The following ELN variants were observed in gnomAD, a reference collection of about 807,000 sequenced individuals.
ELN encodes tropoelastin.
Under a neutral mutation model 105.8 loss-of-function variants are expected in ELN, and 65 were observed. That is an observed-to-expected ratio of 0.61 (90% CI 0.50 to 0.75). ELN has a LOEUF of 0.75. Ranked by LOEUF, ELN falls within the 30% of genes least tolerant of loss-of-function variation. ELN has a pLI of 0.00. For missense variants in ELN, 882 were observed against 969.4 expected, an observed-to-expected ratio of 0.91 and a Z score of 1.20; for synonymous variants, 368 against 389.2, an observed-to-expected ratio of 0.95 and a Z score of 0.64.
intron 32 of ELN, among the ~76,000 whole-genome samples, chr7:74,067,689 G>A (rs1272110370): frequency 1.3e-5 from 2 of 151,586 alleles, no homozygotes; most frequent in Admixed American, 6.6e-5. Flanking sequence ...TGTGAACCCG[G>A]GAGGCGGAGC....
Position 74,036,562 on chromosome 7 carries a change from T to A in ELN, c.141T>A (p.Gly47=). 6.2e-7 allele frequency: 1 copy of A among 1,614,104 alleles called. No homozygotes were observed. Among genetic ancestry groups the A allele is most frequent in the Non-Finnish European group, 8.5e-7 (1 of 1,180,030 alleles). The part of the protein sequence containing the change: ...VPGGVFYPGA[G]LGALGGGALG... Reference sequence around the variant, plus strand: ...CTTTCTCTCCCCCCACAGGGGCTGGTCTCGGAGCCCTTGGAGGAGGAGGTG... The same window carrying A: ...CTTTCTCTCCCCCCACAGGGGCTGGACTCGGAGCCCTTGGAGGAGGAGGTG... Residue 47 remains glycine (G), a synonymous_variant, in exon 3 of 33, where the codon GGT becomes GGA. Coordinates refer to ENST00000252034, the MANE Select transcript of ELN (RefSeq NM_000501.4).
chr7:74,031,845 A>AAAGG (rs1337552650), intron 1 of ELN, among the ~76,000 whole-genome samples: 1 of 124,336 alleles, frequency 8.0e-6, no homozygotes, highest in South Asian at 2.6e-4. Context: ...AGAAAGAAAG[A>AAAGG]AAGGAAGGAA....
Position 74,063,065 on chromosome 7 carries a change from T to G in ELN, c.1787-88T>G. 1 of 1,499,694 alleles carries G rather than the reference T, an allele frequency of 6.7e-7. No individual in the cohort carries two copies. The highest frequency in any genetic ancestry group is 9.1e-7 in the Non-Finnish European group (1 of 1,103,712). 92.9% of individuals were successfully genotyped at this position (1,499,694 alleles called of 1,614,324 possible). A position where few individuals can be genotyped will look rare whatever the true frequency, so the allele number is the denominator to read the frequency against. On this transcript the variant is annotated intron_variant, in intron 26 of 32. Coordinates refer to ENST00000252034, the MANE Select transcript of ELN (RefSeq NM_000501.4). This position sits in a 1 kb window ranked among gnomAD's most constrained non-coding sequence, Gnocchi z 4.1. ...CTCCTCCACAGTGTCACATGGCCCCTGCCACCTGTCTGCTTGCCTTGTGTC... is the reference window on the plus strand; with the variant it reads ...CTCCTCCACAGTGTCACATGGCCCCGGCCACCTGTCTGCTTGCCTTGTGTC...
chr7:74,047,746 T>A, intron 13 of ELN, 30 bp downstream of exon 13: 1 of 1,613,918 alleles, frequency 6.2e-7, no homozygotes. Context: ...ACTGTGGGCT[T>A]CCAGCTCTTT....
intron 22 of ELN, among the ~76,000 whole-genome samples, chr7:74,059,298 A>G (rs1471687818): frequency 2.0e-5 from 3 of 152,174 alleles, no homozygotes; most frequent in Non-Finnish European, 4.4e-5. Context: ...ATTTGAACCC[A>G]AAGCCTTTCT....
At chr7:74,064,035 A>G (rs1037173802) in intron 29 of ELN, among the ~76,000 whole-genome samples, 3 of 151,948 alleles carry the variant, frequency 2.0e-5, no homozygotes. Flanking sequence ...CCCAGGAGGC[A>G]GAGGCTGCAG....
chr7:74,036,002 T>C (rs1482104736), intron 2 of ELN, among the ~76,000 whole-genome samples: 1 of 151,490 alleles, frequency 6.6e-6, no homozygotes, highest in African/African-American at 2.4e-5. Context: ...ACTTAAAAAG[T>C]ATTTGAGGCC....
rs565632539 is a variant in ELN, at chr7:74,060,601, G to A, written c.1747+100G>A. On this transcript the variant is annotated intron_variant, in intron 25 of 32. Transcript: ENST00000252034. The stretch of plus-strand genomic sequence containing the variant: ...CCCAGCACCCCCTCATCACCCAGGG[G>A]TGCATAGTAAAATCCTTGTTAGGTT... 8 of 1,590,144 alleles carry A rather than the reference G, an allele frequency of 5.0e-6. No individual in the cohort carries two copies. The South Asian group carries it at 7.9e-5, about 16-fold the overall frequency.
At chr7:74,044,531 C>T (rs1002716445) in intron 9 of ELN, among the ~76,000 whole-genome samples, 11 of 152,214 alleles carry the variant, frequency 7.2e-5, no homozygotes, top group African/African-American at 2.4e-4. Context: ...CAGCTATTTC[C>T]CAAAAGCTGT....
chr7:74,068,061 C>T (rs1047896482), intron 32 of ELN, among the ~76,000 whole-genome samples: 2 of 152,122 alleles, frequency 1.3e-5, no homozygotes, highest in Non-Finnish European at 1.5e-5. Context: ...GGAACTGCTC[C>T]GGGCCGCGCT....
intron 22 of ELN, 143 bp from the exon 23 acceptor site, chr7:74,059,743 G>C: frequency 1.3e-6 from 1 of 764,002 alleles, no homozygotes; most frequent in South Asian, 1.4e-5. Context: ...GGAGGAGGAA[G>C]CTGAGGCCCA....
chr7:74,066,925 C>A (rs1798088402), intron 32 of ELN, 149 bp downstream of exon 32: 2 of 792,108 alleles, frequency 2.5e-6, no homozygotes, highest in Admixed American at 2.1e-5. Flanking sequence ...GGACCCCGAG[C>A]TGAATGTAGA....
chr7:74,061,698 G>A (rs782608191), intron 26 of ELN, among the ~76,000 whole-genome samples: 5 of 152,228 alleles, frequency 3.3e-5, no homozygotes, highest in Non-Finnish European at 7.4e-5. Context: ...TCTAGGACAC[G>A]TTTATGACAG....
chr7:74,066,091 T>G, intron 31 of ELN, 94 bp downstream of exon 31: 2 of 1,570,786 alleles, frequency 1.3e-6, no homozygotes, highest in South Asian at 1.1e-5. Flanking sequence ...AGAGCCCATG[T>G]CCACACAAGG....
At chr7:74,031,970 G>A (rs1198794789) in intron 1 of ELN, among the ~76,000 whole-genome samples, 1 of 151,966 alleles carries the variant, frequency 6.6e-6, no homozygotes, top group Non-Finnish European at 1.5e-5. Context: ...TACAGGCCCT[G>A]GCAGGCAGAA....
chr7:74,061,432 A>G (rs1340375739), intron 26 of ELN, among the ~76,000 whole-genome samples: 2 of 151,498 alleles, frequency 1.3e-5, no homozygotes, highest in Non-Finnish European at 2.9e-5. Context: ...TGGGCAGATC[A>G]ACTGAGGTCG....
chr7:74,049,089 A>ATCCT (rs1188643778), intron 15 of ELN, among the ~76,000 whole-genome samples: 218 of 148,318 alleles, frequency 1.5e-3, no homozygotes, highest in African/African-American at 5.1e-3. Flanking sequence ...CCATCCATCC[A>ATCCT]TCCATCCATC....
At position 74,065,925 on chromosome 7, in the gene ELN, C is replaced by G; in HGVS notation, c.2033-19C>G. 6.2e-7 allele frequency: 1 copy of G among 1,614,146 alleles called. No individual in the cohort carries two copies. The highest frequency in any genetic ancestry group is 8.5e-7 in the Non-Finnish European group (1 of 1,180,014). On this transcript the variant is annotated intron_variant, in intron 30 of 32. Transcript: ENST00000252034. ...CCCGATGGGGGTGTCTTATCCTGAC[C>G]CCACCTGCCTCTTCTCAGGTGCTGC...
In ELN at chr7:74,063,332, T is replaced by TGCCGCA. The variant is rs1245042508; in HGVS notation, c.1885_1890dup (p.Ala629_Ala630dup). ...CAGGAGCCGGACCCGCCGCCGCCGC[T>TGCCGCA]GCCGCAGCCAAAGCTGCTGCCAAAG... is the stretch of plus-strand genomic sequence containing the variant. On this transcript the variant is annotated inframe_insertion, in exon 28 of 33. Coordinates refer to ENST00000252034, the MANE Select transcript of ELN (RefSeq NM_000501.4). This position sits in a 1 kb window ranked among gnomAD's most constrained non-coding sequence, Gnocchi z 4.1. 2 of 1,550,950 alleles carry TGCCGCA rather than the reference T, an allele frequency of 1.3e-6. No homozygotes were observed. The highest frequency in any genetic ancestry group is 2.7e-5 in the African/African-American group (2 of 73,268).
Sources: gnomAD v4.1 joint callset for allele counts (sites outside exome capture counted in the v4.1 genomes callset) on GRCh38, gnomAD v4.1.1 for gene constraint, Gnocchi (gnomAD v3.1) non-coding constraint, MANE v1.5 for transcripts, NCBI Gene and HGNC (gene_info 2026-07-23, HGNC 2026-07-21) for gene names.